ENOPH1: variants seen among roughly 807,000 people sequenced by gnomAD.
ENOPH1 encodes the protein enolase-phosphatase E1.
Under a neutral mutation model 31.1 loss-of-function variants are expected in ENOPH1, and 14 were observed. The observed-to-expected ratio is 0.45, with a 90% CI of 0.30 to 0.70. ENOPH1 has a LOEUF of 0.70. ENOPH1 is among the 30% of genes least tolerant of loss of function. The pLI, the probability that ENOPH1 is intolerant of heterozygous loss-of-function variation, is 0.09. For synonymous variants in ENOPH1, 127 were observed against 123.2 expected, an observed-to-expected ratio of 1.03 and a Z score of -0.21; for missense variants, 243 against 321.5, an observed-to-expected ratio of 0.76 and a Z score of 1.87.
chr4:82,435,755 A>G (rs1156578299), intron 1 of ENOPH1, among the ~76,000 whole-genome samples: 1 of 152,240 alleles, frequency 6.6e-6, no homozygotes, highest in East Asian at 1.9e-4. Flanking sequence ...GACAGCCTAC[A>G]AGGAATGGCA....
Position 82,430,753 on chromosome 4 carries a change from G to GGGGGCC in ENOPH1, c.-75_-70dup, listed in dbSNP as rs1721716246. On this transcript the variant is annotated 5_prime_UTR_variant, in exon 1 of 6. Transcript: ENST00000273920. ...GCCGCCGGAAGCCCAAGACGGTACC[G>GGGGGCC]GGGGCCGCAGCCGCAGCCGGCGCCG... 4 of 1,413,290 alleles carry GGGGGCC rather than the reference G, an allele frequency of 2.8e-6. No individual in the cohort carries two copies. The East Asian group carries it at 9.3e-5, about 33-fold the overall frequency. The allele number at this position is 1,413,290 out of a possible 1,614,324, so 87.5% of individuals were successfully genotyped here.
chr4:82,449,893 G>C (rs978569412), intron 2 of ENOPH1, among the ~76,000 whole-genome samples: 1 of 152,014 alleles, frequency 6.6e-6, no homozygotes, highest in Non-Finnish European at 1.5e-5. Flanking sequence ...CCTGTGCTTT[G>C]TTCTACCCTC....
At chr4:82,459,905 C>T in intron 5 of ENOPH1, 76 bp from the exon 6 acceptor site, 1 of 1,544,812 alleles carries the variant, frequency 6.5e-7, no homozygotes, top group Non-Finnish European at 8.9e-7. Context: ...CCACATCCCC[C>T]TGCTGACTTT....
In ENOPH1 at chr4:82,451,167, A is replaced by G; in HGVS notation, c.311A>G (p.Asp104Gly). The G allele has an allele frequency of 6.2e-7, 1 of 1,614,192 alleles. No individual in the cohort carries two copies. The highest frequency in any genetic ancestry group is 8.5e-7 in the Non-Finnish European group (1 of 1,180,026). The change falls in exon 3 of 6, where the codon GAT (aspartate) becomes GGT (glycine). Residue 104 changes from aspartate (D) to glycine (G), a missense_variant. Asp to Gly is a moderately conservative substitution (Grantham distance 94, BLOSUM62 -1). Coordinates refer to ENST00000273920, the MANE Select transcript of ENOPH1 (RefSeq NM_021204.5). ...VDNVCWQMSL[D>G]RKTTALKQLQ... Reference sequence around the variant, plus strand: ...AATGTGTGCTGGCAGATGTCCCTGGATCGAAAGACCACTGCACTCAAACAG... The same window carrying G: ...AATGTGTGCTGGCAGATGTCCCTGGGTCGAAAGACCACTGCACTCAAACAG...
At chr4:82,457,379 T>C (rs1394955625) in intron 5 of ENOPH1, among the ~76,000 whole-genome samples, 3 of 152,130 alleles carry the variant, frequency 2.0e-5, no homozygotes, top group African/African-American at 7.2e-5. Flanking sequence ...TTGGGTATGA[T>C]GGCTCACTCC....
At chr4:82,451,354 A>G in intron 3 of ENOPH1, 109 bp downstream of exon 3, 2 of 1,052,042 alleles carry the variant, frequency 1.9e-6, no homozygotes, top group Non-Finnish European at 2.8e-6. Flanking sequence ...AACAGATAAA[A>G]ATCCACACTC....
intron 1 of ENOPH1, among the ~76,000 whole-genome samples, chr4:82,441,570 C>T (rs1410820465): frequency 1.3e-5 from 2 of 152,074 alleles, no homozygotes; most frequent in African/African-American, 2.4e-5. Flanking sequence ...GGAGGCAGAG[C>T]TTGCAGTGAG....
chr4:82,447,894 G>C, intron 1 of ENOPH1, 26 bp from the exon 2 acceptor site: 1 of 1,430,120 alleles, frequency 7.0e-7, no homozygotes, highest in East Asian at 2.3e-5. Context: ...GCTAACTCTT[G>C]TATTTTCTTT....
At position 82,451,087 on chromosome 4, in the gene ENOPH1, A is replaced by G. The variant is rs1449013424; in HGVS notation, c.231A>G (p.Ala77=). The stretch of plus-strand genomic sequence containing the variant: ...TGGATGGGGCTGTTCCTATCCCTGC[A>G]GCATCTGGGAATGGAGTGGATGATC... The part of the protein sequence containing the change: ...AHLDGAVPIP[A]ASGNGVDDLQ... The change falls in exon 3 of 6, where the codon GCA becomes GCG. Residue 77 remains alanine, a synonymous_variant. Transcript: ENST00000273920. 2 of 1,614,208 alleles carry G rather than the reference A, an allele frequency of 1.2e-6. No individual in the cohort carries two copies. The highest frequency in any genetic ancestry group is 1.1e-5 in the South Asian group (1 of 91,084).
intron 1 of ENOPH1, among the ~76,000 whole-genome samples, chr4:82,443,398 C>G (rs1347599136): frequency 1.3e-5 from 2 of 148,892 alleles, no homozygotes; most frequent in African/African-American, 5.0e-5. Flanking sequence ...GATCATGCCA[C>G]TGCACTCCGT....
chr4:82,447,174 CAG>C (rs1722216932), intron 1 of ENOPH1, among the ~76,000 whole-genome samples: 2 of 152,102 alleles, frequency 1.3e-5, no homozygotes, highest in African/African-American at 4.8e-5. Flanking sequence ...TTAGTAGAGA[CAG>C]GGTTTCACCA....
At chr4:82,443,104 C>T (rs1299767860) in intron 1 of ENOPH1, among the ~76,000 whole-genome samples, 1 of 152,030 alleles carries the variant, frequency 6.6e-6, no homozygotes, top group Non-Finnish European at 1.5e-5. Flanking sequence ...CGCGCCCGGG[C>T]GTATGTCTCT....
chr4:82,449,098 G>T (rs545036382), intron 2 of ENOPH1, among the ~76,000 whole-genome samples: 1 of 145,760 alleles, frequency 6.9e-6, no homozygotes, highest in Non-Finnish European at 1.5e-5. Context: ...AAATTAGCCG[G>T]ACATGGTGGC....
intron 5 of ENOPH1, 93 bp from the exon 6 acceptor site, chr4:82,459,888 T>C (rs1212888046): frequency 4.4e-5 from 63 of 1,427,878 alleles, no homozygotes; most frequent in Non-Finnish European, 5.4e-5. Flanking sequence ...ATTCATTTCT[T>C]CCATCCCCAC....
intron 3 of ENOPH1, among the ~76,000 whole-genome samples, chr4:82,452,740 C>G (rs1722381909): frequency 6.6e-6 from 1 of 151,984 alleles, no homozygotes; most frequent in Admixed American, 6.6e-5. Context: ...GTGCGTGCCA[C>G]CACACCTGGC....
At position 82,447,998 on chromosome 4, in the gene ENOPH1, G is replaced by T; in HGVS notation, c.163G>T (p.Asp55Tyr). ...THWEEEECQQ[D>Y]VSLLRKQAEE... ...TTGGGAAGAAGAGGAGTGCCAGCAG[G>T]ATGTCAGTCTTTTGAGGAAACAGGT... Residue 55 changes from aspartate (D) to tyrosine (Y), a missense_variant, in exon 2 of 6, where the codon GAT (aspartate) becomes TAT (tyrosine). Transcript: ENST00000273920. 2 of 1,612,498 alleles carry T rather than the reference G, an allele frequency of 1.2e-6. No homozygotes were observed. The highest frequency in any genetic ancestry group is 2.2e-5 in the South Asian group (2 of 90,830).
intron 1 of ENOPH1, among the ~76,000 whole-genome samples, chr4:82,432,645 G>A (rs1721801965): frequency 8.0e-6 from 1 of 124,978 alleles, no homozygotes; most frequent in African/African-American, 3.4e-5. Flanking sequence ...TCTTCCCCAC[G>A]TTTTGTTTTG....
chr4:82,433,934 A>G (rs1236251350), intron 1 of ENOPH1, among the ~76,000 whole-genome samples: 1 of 152,200 alleles, frequency 6.6e-6, no homozygotes, highest in Non-Finnish European at 1.5e-5. Flanking sequence ...CTTTAAAGTC[A>G]GAGTAGGTGT....
At chr4:82,434,623 A>C (rs573788867) in intron 1 of ENOPH1, among the ~76,000 whole-genome samples, 3 of 152,226 alleles carry the variant, frequency 2.0e-5, no homozygotes, top group Admixed American at 1.3e-4. Flanking sequence ...CTGAGGCAGA[A>C]GAATCACTTG....
Sources: gnomAD v4.1 joint callset for allele counts (sites outside exome capture counted in the v4.1 genomes callset) on GRCh38, gnomAD v4.1.1 for gene constraint, MANE v1.5 for transcripts, NCBI Gene and HGNC (gene_info 2026-07-23, HGNC 2026-07-21) for gene names.